The following DIAPH2 variants were observed in gnomAD, a reference collection of about 807,000 sequenced individuals.
DIAPH2 encodes the protein diaphanous related formin 2.
A neutral mutation model predicts 92.7 loss-of-function variants in DIAPH2; 35 were observed. The ratio of observed to expected loss-of-function variants is 0.38; its 90% CI spans 0.29 to 0.50. The LOEUF (loss-of-function observed/expected upper bound fraction) is 0.50, where lower values mean the gene tolerates loss of function less well. DIAPH2 is among the 20% of genes least tolerant of loss of function. The pLI is 0.94. For synonymous variants in DIAPH2, 301 were observed against 280.4 expected, an observed-to-expected ratio of 1.07 and a Z score of -0.73; for missense variants, 701 against 819.5, an observed-to-expected ratio of 0.86 and a Z score of 1.77.
At chrX:97,525,547 G>T (rs2071019120) in intron 26 of DIAPH2, among the ~76,000 whole-genome samples, 1 of 112,328 alleles carries the variant, frequency 8.9e-6, no homozygotes, top group Non-Finnish European at 1.9e-5. Context: ...TTGGGAGCAT[G>T]TCTTATTTAT....
chrX:97,444,192 G>GT (rs1253097401), intron 26 of DIAPH2, among the ~76,000 whole-genome samples: 1 of 111,379 alleles, frequency 9.0e-6, no homozygotes, highest in Non-Finnish European at 1.9e-5. Flanking sequence ...ACTTGGGAAG[G>GT]TTTTAGCTTC....
At chrX:97,086,758 C>T (rs776733309) in intron 19 of DIAPH2, among the ~76,000 whole-genome samples, 1 of 111,333 alleles carries the variant, frequency 9.0e-6, no homozygotes, top group East Asian at 2.8e-4. Flanking sequence ...TCCCTTATTT[C>T]GCGGGAGGAG....
chrX:96,997,644 C>T (rs1347647101), intron 17 of DIAPH2, among the ~76,000 whole-genome samples: 1 of 111,478 alleles, frequency 9.0e-6, no homozygotes, highest in East Asian at 2.8e-4. Flanking sequence ...GCTCTGAATA[C>T]AACTGTTCTT....
rs829803 is a variant in DIAPH2, at chrX:96,755,478, C to G, written c.343-2676C>G. On this transcript the variant is annotated intron_variant, in intron 3 of 26. Transcript: ENST00000324765. ...ATCATCCTGGCTAATGCAGTGAAAC[C>G]CTGTCTCTACTAAAAATACAAAAAA... Among the ~76,000 whole-genome samples, 880 of 110,157 alleles carry G rather than the reference C, an allele frequency of 8.0e-3. 7 individuals carry two copies. Among genetic ancestry groups the G allele is most frequent in the Non-Finnish European group, 0.012 (640 of 52,708 alleles).
chrX:96,707,405 A>G (rs1225994620), intron 1 of DIAPH2, among the ~76,000 whole-genome samples: 2 of 109,798 alleles, frequency 1.8e-5, no homozygotes, highest in Admixed American at 1.9e-4. Flanking sequence ...TCCTGGTCTC[A>G]GGTGATCTAC....
At chrX:96,948,157 T>G (rs772177671) in intron 14 of DIAPH2, among the ~76,000 whole-genome samples, 1 of 112,833 alleles carries the variant, frequency 8.9e-6, no homozygotes, top group Non-Finnish European at 1.9e-5. Flanking sequence ...CAATTTGTAT[T>G]AATATACGTA....
chrX:96,799,262 C>T (rs1169582075), intron 4 of DIAPH2, among the ~76,000 whole-genome samples: 1 of 111,337 alleles, frequency 9.0e-6, no homozygotes, highest in South Asian at 3.8e-4. Context: ...AATTTGTTTC[C>T]TTTCTCTCAG....
intron 17 of DIAPH2, among the ~76,000 whole-genome samples, chrX:97,068,805 A>G (rs1298468920): frequency 8.9e-6 from 1 of 112,262 alleles, no homozygotes; most frequent in African/African-American, 3.2e-5. Flanking sequence ...ATGTAAAAGA[A>G]CAATTGGCAT....
chrX:97,226,461 C>T (rs2067966392), intron 22 of DIAPH2, among the ~76,000 whole-genome samples: 1 of 111,035 alleles, frequency 9.0e-6, no homozygotes, highest in South Asian at 3.8e-4. Context: ...GCAACCTCCA[C>T]CTCCCAGGTT....
chrX:96,901,798 G>A (rs1461580119), intron 5 of DIAPH2, among the ~76,000 whole-genome samples: 1 of 110,451 alleles, frequency 9.1e-6, no homozygotes, highest in Non-Finnish European at 1.9e-5. Context: ...GCCTCCGAAA[G>A]TTCTGGGATT....
chrX:96,974,535 G>A (rs1056482862), intron 17 of DIAPH2, among the ~76,000 whole-genome samples: 1 of 111,116 alleles, frequency 9.0e-6, no homozygotes, highest in East Asian at 2.8e-4. Flanking sequence ...TGACATTTAC[G>A]TTCTACTCAC....
chrX:96,863,440 T>G (rs772471065), intron 4 of DIAPH2, among the ~76,000 whole-genome samples: 1 of 110,641 alleles, frequency 9.0e-6, no homozygotes, highest in South Asian at 3.8e-4. Context: ...TTAATGTATT[T>G]CAATTATAAA....
At chrX:97,560,221 C>T (rs145162049) in intron 26 of DIAPH2, among the ~76,000 whole-genome samples, 2,956 of 112,194 alleles carry the variant, frequency 0.026, 33 homozygotes, top group Non-Finnish European at 0.038. Context: ...GTATACAAGA[C>T]TTTAAGGCCC....
chrX:97,020,734 G>A (rs928956905), intron 17 of DIAPH2, among the ~76,000 whole-genome samples: 1 of 112,054 alleles, frequency 8.9e-6, no homozygotes, highest in Non-Finnish European at 1.9e-5. Flanking sequence ...ATGAAGGAAT[G>A]ATTTATGTTC....
In DIAPH2 at chrX:97,339,883, A is replaced by G. The variant is rs755222068; in HGVS notation, c.2845-8233A>G. ...TACTTGCCAAGTTTATATGTATTAG[A>G]TATGTCCCACTTCACTGCCATAAGG... is the stretch of plus-strand genomic sequence containing the variant. On this transcript the variant is annotated intron_variant, in intron 23 of 26. Transcript: ENST00000324765. Among the ~76,000 whole-genome samples, 3 of 112,057 alleles carry G rather than the reference A, an allele frequency of 2.7e-5. No individual in the cohort carries two copies. The South Asian group carries it at 1.1e-3, about 42-fold the overall frequency.
intron 1 of DIAPH2, among the ~76,000 whole-genome samples, chrX:96,696,966 T>C (rs1444283022): frequency 9.0e-6 from 1 of 111,552 alleles, no homozygotes; most frequent in African/African-American, 3.3e-5. Flanking sequence ...TGACCATAAG[T>C]CCCATCGTGG....
intron 20 of DIAPH2, among the ~76,000 whole-genome samples, chrX:97,109,681 A>T (rs963550344): frequency 9.0e-6 from 1 of 111,241 alleles, no homozygotes; most frequent in African/African-American, 3.3e-5. Context: ...ATGACCTTAC[A>T]TGTACTTCCT....
chrX:97,286,712 C>T (rs1017006516), intron 23 of DIAPH2, among the ~76,000 whole-genome samples: 1 of 111,363 alleles, frequency 9.0e-6, no homozygotes, highest in Non-Finnish European at 1.9e-5. Context: ...ATGGAAAACA[C>T]TCATGCAGGT....
chrX:97,517,572 A>T (rs2070958965), intron 26 of DIAPH2, among the ~76,000 whole-genome samples: 1 of 112,178 alleles, frequency 8.9e-6, no homozygotes, highest in Non-Finnish European at 1.9e-5. Context: ...TTGTGGTGAA[A>T]TACAATAGCA....
Sources: allele counts gnomAD v4.1 joint callset (sites outside exome capture counted in the v4.1 genomes callset), GRCh38; gene constraint gnomAD v4.1.1; transcripts MANE v1.5; gene names NCBI Gene and HGNC (gene_info 2026-07-23, HGNC 2026-07-21).